The following PACRG variants were observed in gnomAD, a reference collection of about 807,000 sequenced individuals.
The protein encoded by PACRG is parkin coregulated gene protein.
A neutral mutation model predicts 29.7 loss-of-function variants in PACRG; 29 were observed. The ratio of observed to expected loss-of-function variants is 0.98; its 90% CI spans 0.73 to 1.33. The LOEUF (loss-of-function observed/expected upper bound fraction) is 1.33. Among genes scored for constraint, PACRG ranks in the 40% most tolerant of loss-of-function variants. The probability of loss-of-function intolerance (pLI) is 0.00; values close to 1 mark genes in which losing one functional copy is unlikely to be tolerated. For synonymous variants in PACRG, 116 were observed against 118.7 expected, an observed-to-expected ratio of 0.98 and a Z score of 0.15; for missense variants, 279 against 316.2, an observed-to-expected ratio of 0.88 and a Z score of 0.89.
chr6:162,976,453 A>G (rs1289257843), intron 2 of PACRG, among the ~76,000 whole-genome samples: 4 of 152,186 alleles, frequency 2.6e-5, no homozygotes, highest in Non-Finnish European at 5.9e-5. Context: ...TGAGGGGGGA[A>G]GAAAGGTAGT....
chr6:163,081,024 C>T (rs1813026401), intron 3 of PACRG, among the ~76,000 whole-genome samples: 1 of 152,030 alleles, frequency 6.6e-6, no homozygotes, highest in Admixed American at 6.6e-5. Flanking sequence ...ATAAATCAGG[C>T]TGTGTCATAT....
At chr6:163,301,538 G>T (rs998824253) in intron 4 of PACRG, among the ~76,000 whole-genome samples, 2 of 152,218 alleles carry the variant, frequency 1.3e-5, no homozygotes, top group Non-Finnish European at 2.9e-5. Context: ...GGTGAGTCCA[G>T]ATAACAATGT....
At chr6:162,772,580 T>C (rs977576420) in intron 1 of PACRG, among the ~76,000 whole-genome samples, 2 of 152,094 alleles carry the variant, frequency 1.3e-5, no homozygotes, top group Non-Finnish European at 2.9e-5. Context: ...GAGACAACAA[T>C]GAAAAGGCCC....
At chr6:162,914,501 CTTTTTTGTTTTTTT>C in intron 2 of PACRG, among the ~76,000 whole-genome samples, 1 of 73,224 alleles carries the variant, frequency 1.4e-5, no homozygotes, top group South Asian at 4.9e-4. Flanking sequence ...AAGTTTTGTA[CTTTTTTGTTTTTTT>C]TTTTTTTTTT....
chr6:163,070,440 T>C (rs557441730), intron 3 of PACRG, among the ~76,000 whole-genome samples: 3 of 152,198 alleles, frequency 2.0e-5, no homozygotes, highest in Admixed American at 2.0e-4. Flanking sequence ...TGATTAGTTT[T>C]TGTTTTGCCC....
intron 2 of PACRG, among the ~76,000 whole-genome samples, chr6:162,999,021 T>G (rs1456386751): frequency 6.6e-6 from 1 of 152,204 alleles, no homozygotes; most frequent in Non-Finnish European, 1.5e-5. Context: ...ACCAGTCTGC[T>G]GTTTCTCACA....
chr6:163,132,862 G>GA (rs1288045866), intron 4 of PACRG, among the ~76,000 whole-genome samples: 1 of 152,106 alleles, frequency 6.6e-6, no homozygotes, highest in Non-Finnish European at 1.5e-5. Flanking sequence ...ATGTGCACTA[G>GA]AAAAATATAA....
At chr6:163,272,462 C>G (rs937687576) in intron 4 of PACRG, among the ~76,000 whole-genome samples, 35 of 152,188 alleles carry the variant, frequency 2.3e-4, no homozygotes, top group Admixed American at 2.0e-3. Context: ...ATTACCTTCT[C>G]CTTCCCAAGT....
At chr6:163,302,275 A>G (rs1344655446) in intron 4 of PACRG, among the ~76,000 whole-genome samples, 3 of 144,230 alleles carry the variant, frequency 2.1e-5, no homozygotes, top group Non-Finnish European at 3.0e-5. Flanking sequence ...TTTTTGTAAG[A>G]TGTGGCCAAA....
chr6:162,829,568 CATA>C (rs1463757653), intron 2 of PACRG, among the ~76,000 whole-genome samples: 2 of 152,178 alleles, frequency 1.3e-5, no homozygotes, highest in Non-Finnish European at 1.5e-5. Flanking sequence ...TCATGAGCTG[CATA>C]ATGTGGTTTT....
chr6:163,137,604 A>G (rs1488654726), intron 4 of PACRG, among the ~76,000 whole-genome samples: 1 of 152,050 alleles, frequency 6.6e-6, no homozygotes, highest in African/African-American at 2.4e-5. Flanking sequence ...AGTACTCCCT[A>G]ATACCCCGTG....
Position 162,838,749 on chromosome 6 carries a change from C to G in PACRG, c.291+24468C>G, listed in dbSNP as rs1005477300. On this transcript the variant is annotated intron_variant, in intron 2 of 4. Transcript: ENST00000366888. ...CAATGCTATCCCTCCCCCCTCCCCCCACCCCACCACAGTCCCCAGAGTGTG... is the reference window on the plus strand; with the variant it reads ...CAATGCTATCCCTCCCCCCTCCCCCGACCCCACCACAGTCCCCAGAGTGTG... Among the ~76,000 whole-genome samples the G allele has an allele frequency of 1.4e-4, 17 of 121,332 alleles. No homozygotes were observed. In the East Asian group the frequency reaches 3.2e-3, roughly 23 times the overall value. The allele number at this position is 121,332 out of a possible 152,430, so 79.6% of individuals were successfully genotyped here.
rs542917444 is a variant in PACRG, at chr6:163,140,183, T to TA, written c.613+50778dup. Among the ~76,000 whole-genome samples, 111 of 152,268 alleles carry TA rather than the reference T, an allele frequency of 7.3e-4. 1 individual carries two copies. The highest frequency in any genetic ancestry group is 2.2e-3 in the African/African-American group (93 of 41,540). ...GTACGAAGCACGCAGCAATGATGGATAAACCATTGCGACAGAGAACCCCAG... is the reference window on the plus strand; with the variant it reads ...GTACGAAGCACGCAGCAATGATGGATAAAACCATTGCGACAGAGAACCCCAG... On this transcript the variant is annotated intron_variant, in intron 4 of 4. Coordinates refer to ENST00000366888, the MANE Select transcript of PACRG (RefSeq NM_001080379.2).
At chr6:162,759,113 TGAG>T (rs1782153674) in intron 1 of PACRG, among the ~76,000 whole-genome samples, 1 of 152,204 alleles carries the variant, frequency 6.6e-6, no homozygotes, top group Admixed American at 6.5e-5. Context: ...ATTCATCTGA[TGAG>T]GAGAAGCAGC....
At chr6:163,207,069 C>T (rs374427955) in intron 4 of PACRG, among the ~76,000 whole-genome samples, 169 of 152,294 alleles carry the variant, frequency 1.1e-3, no homozygotes, top group African/African-American at 3.8e-3. Context: ...TATTTGTCAA[C>T]ATATCACTTT....
At chr6:163,141,247 A>G (rs1817139644) in intron 4 of PACRG, among the ~76,000 whole-genome samples, 1 of 152,198 alleles carries the variant, frequency 6.6e-6, no homozygotes, top group Admixed American at 6.5e-5. Flanking sequence ...GGTAAAATAA[A>G]GACAATTTCC....
intron 4 of PACRG, chr6:163,179,092 A>T (rs1041633183): frequency 3.7e-5 from 15 of 400,060 alleles, no homozygotes; most frequent in Non-Finnish European, 7.2e-5. Flanking sequence ...TTAATCAAAA[A>T]GAAGCTTAGG....
At chr6:163,165,831 G>C (rs766351887) in intron 4 of PACRG, 10 of 303,030 alleles carry the variant, frequency 3.3e-5, no homozygotes, top group Non-Finnish European at 5.8e-5. Flanking sequence ...GGGGACCAGG[G>C]AGGCCTCATT....
At chr6:162,753,397 C>T (rs1231848256) in intron 1 of PACRG, among the ~76,000 whole-genome samples, 1 of 152,132 alleles carries the variant, frequency 6.6e-6, no homozygotes, top group Non-Finnish European at 1.5e-5. Context: ...GCATAGTGTC[C>T]TCCACATTCA....
Sources: allele counts gnomAD v4.1 joint callset (sites outside exome capture counted in the v4.1 genomes callset), GRCh38; gene constraint gnomAD v4.1.1; transcripts MANE v1.5; gene names NCBI Gene and HGNC (gene_info 2026-07-23, HGNC 2026-07-21).